Variants in ERBB4 observed in about 807,000 individuals in gnomAD.
ERBB4 encodes erb-b2 receptor tyrosine kinase 4.
A neutral mutation model predicts 158.0 loss-of-function variants in ERBB4; 42 were observed. That is an observed-to-expected ratio of 0.27 (90% CI 0.21 to 0.34). The LOEUF is 0.34. Among genes scored for constraint, ERBB4 ranks in the 10% least tolerant of loss-of-function variants. ERBB4 has a pLI of 1.00. For synonymous variants in ERBB4, 583 were observed against 558.7 expected, an observed-to-expected ratio of 1.04 and a Z score of -0.61; for missense variants, 1,333 against 1,624.1, an observed-to-expected ratio of 0.82 and a Z score of 3.08.
intron 1 of ERBB4, among the ~76,000 whole-genome samples, chr2:212,280,033 T>C (rs1182503674): frequency 6.6e-6 from 1 of 151,626 alleles, no homozygotes; most frequent in Admixed American, 6.6e-5. Context: ...AATTGCAATG[T>C]AAAGAAATTT....
chr2:212,056,529 A>G (rs1414145622), intron 2 of ERBB4, among the ~76,000 whole-genome samples: 1 of 152,222 alleles, frequency 6.6e-6, no homozygotes, highest in Non-Finnish European at 1.5e-5. Flanking sequence ...AGCCAGAGAG[A>G]AAGGTCGGGT....
chr2:211,402,635 T>A lies in ERBB4; in HGVS notation c.3136-14643A>T, dbSNP rs541253205. On this transcript the variant is annotated intron_variant, in intron 25 of 27. Coordinates refer to ENST00000342788, the MANE Select transcript of ERBB4 (RefSeq NM_005235.3). ...TTCATATTCTCCTGCTTGGAAATTC[T>A]GGTCAAGAGAAGAGAGCAAAAACAA... 9.9e-5 allele frequency among the ~76,000 whole-genome samples: 15 copies of A among 152,088 alleles called. No homozygotes were observed. In the South Asian group the frequency reaches 3.1e-3, roughly 32 times the overall value.
At chr2:211,692,535 T>G (rs1344405296) in intron 12 of ERBB4, among the ~76,000 whole-genome samples, 1 of 152,156 alleles carries the variant, frequency 6.6e-6, no homozygotes, top group East Asian at 1.9e-4. Context: ...CAAGGCTGAT[T>G]GCTTCTGAAG....
chr2:211,505,570 GCAAACAAA>G (rs71047179), intron 20 of ERBB4, among the ~76,000 whole-genome samples: 21,235 of 151,116 alleles, frequency 0.14, 1,959 homozygotes, highest in East Asian at 0.39. Flanking sequence ...AAGGCAACTA[GCAAACAAA>G]CAAACAAACA....
At chr2:212,528,055 A>G (rs1343211396) in intron 1 of ERBB4, among the ~76,000 whole-genome samples, 2 of 152,034 alleles carry the variant, frequency 1.3e-5, no homozygotes, top group African/African-American at 4.8e-5. Context: ...TTAAATGGCA[A>G]AGAAAGAAAT....
At position 212,247,902 on chromosome 2, in the gene ERBB4, C is replaced by T. The variant is rs142785504; in HGVS notation, c.83-122999G>A. On this transcript the variant is annotated intron_variant, in intron 1 of 27. Coordinates refer to ENST00000342788, the MANE Select transcript of ERBB4 (RefSeq NM_005235.3). Reference sequence around the variant, plus strand: ...TCACTTGAACCTGGGAAGCAGAGGCCGCAGTGAGCCGAGATCACACCACTG... The same window carrying T: ...TCACTTGAACCTGGGAAGCAGAGGCTGCAGTGAGCCGAGATCACACCACTG... Among the ~76,000 whole-genome samples, 657 of 151,400 alleles carry T rather than the reference C, an allele frequency of 4.3e-3. 4 individuals carry two copies. The highest frequency in any genetic ancestry group is 0.014 in the African/African-American group (594 of 41,212).
At chr2:212,182,190 C>T (rs1006385577) in intron 1 of ERBB4, among the ~76,000 whole-genome samples, 5 of 151,722 alleles carry the variant, frequency 3.3e-5, no homozygotes, top group African/African-American at 7.3e-5. Context: ...CAAATACTAA[C>T]ACTATGAAGT....
chr2:211,530,957 A>T (rs1015504045), intron 20 of ERBB4, among the ~76,000 whole-genome samples: 1 of 152,118 alleles, frequency 6.6e-6, no homozygotes, highest in African/African-American at 2.4e-5. Flanking sequence ...TACTCACATA[A>T]AAACAAACAT....
chr2:211,913,797 T>C (rs2079608556), intron 3 of ERBB4, among the ~76,000 whole-genome samples: 2 of 151,916 alleles, frequency 1.3e-5, no homozygotes, highest in East Asian at 1.9e-4. Context: ...CTATTGACTA[T>C]GAGTGTATCA....
At chr2:211,515,912 A>ATATATATATATCTATATTTTTTT (rs35696520) in intron 20 of ERBB4, among the ~76,000 whole-genome samples, 1 of 78,976 alleles carries the variant, frequency 1.3e-5, no homozygotes, top group Non-Finnish European at 2.4e-5. Flanking sequence ...ATATATATAT[A>ATATATATATATCTATATTTTTTT]TTTTTTTTTT....
chr2:212,150,842 T>C (rs941873482), intron 1 of ERBB4, among the ~76,000 whole-genome samples: 6 of 152,132 alleles, frequency 3.9e-5, no homozygotes, highest in African/African-American at 1.4e-4. Flanking sequence ...TCAATGTAAG[T>C]TTCATTTGAT....
chr2:211,700,030 T>G (rs1159637700), intron 12 of ERBB4, among the ~76,000 whole-genome samples: 1 of 152,028 alleles, frequency 6.6e-6, no homozygotes, highest in Non-Finnish European at 1.5e-5. Flanking sequence ...AGAGGAAGAA[T>G]TTTTTTTCTG....
chr2:211,981,925 A>T (rs1284763062), intron 2 of ERBB4, among the ~76,000 whole-genome samples: 1 of 152,162 alleles, frequency 6.6e-6, no homozygotes. Context: ...GCTCAGTGAG[A>T]AATGCACCAA....
In ERBB4 at chr2:211,388,827, ACTAATT is replaced by A. The variant is rs902474855; in HGVS notation, c.3136-841_3136-836del. Among the ~76,000 whole-genome samples, 9 of 152,172 alleles carry A rather than the reference ACTAATT, an allele frequency of 5.9e-5. 1 individual carries two copies. Among genetic ancestry groups the A allele is most frequent in the Non-Finnish European group, 1.0e-4 (7 of 68,024 alleles). Reference sequence around the variant, plus strand: ...GGGTAAGGAAAAGGAGTTGTATAATACTAATTCTGTTTCTTAATACAAAAATACATT... The same window carrying A: ...GGGTAAGGAAAAGGAGTTGTATAATACTGTTTCTTAATACAAAAATACATT... On this transcript the variant is annotated intron_variant, in intron 25 of 27. Transcript: ENST00000342788.
chr2:212,182,461 C>T lies in ERBB4; in HGVS notation c.83-57558G>A, dbSNP rs77868325. Among the ~76,000 whole-genome samples, 280 of 151,822 alleles carry T rather than the reference C, an allele frequency of 1.8e-3. 10 individuals carry two copies. The East Asian group carries it at 0.05, about 27-fold the overall frequency. ...GTACCCACACCTTTTTGAGCTTGTC[C>T]TAGTATTTTTAGAGTAAACTTCCTA... On this transcript the variant is annotated intron_variant, in intron 1 of 27. Transcript: ENST00000342788.
intron 16 of ERBB4, among the ~76,000 whole-genome samples, chr2:211,631,123 C>T (rs2070108405): frequency 1.3e-5 from 2 of 152,070 alleles, no homozygotes; most frequent in African/African-American, 2.4e-5. Flanking sequence ...TTCCTGGCTT[C>T]CATCCCTGAG....
chr2:212,412,107 T>C (rs2091516775), intron 1 of ERBB4, among the ~76,000 whole-genome samples: 1 of 152,256 alleles, frequency 6.6e-6, no homozygotes, highest in Non-Finnish European at 1.5e-5. Flanking sequence ...GAAAGAATCA[T>C]GCCCACACCC....
At chr2:211,623,421 C>T (rs1040439065) in intron 18 of ERBB4, among the ~76,000 whole-genome samples, 14 of 151,954 alleles carry the variant, frequency 9.2e-5, no homozygotes, top group African/African-American at 1.5e-4. Flanking sequence ...GATTTAGAAG[C>T]TAGTTCCAAC....
chr2:211,604,868 T>C (rs1158756084), intron 19 of ERBB4, among the ~76,000 whole-genome samples: 1 of 152,222 alleles, frequency 6.6e-6, no homozygotes, highest in Non-Finnish European at 1.5e-5. Context: ...TTGGCATATA[T>C]ATAACCCTTT....
Sources: allele counts gnomAD v4.1 joint callset (sites outside exome capture counted in the v4.1 genomes callset), GRCh38; gene constraint gnomAD v4.1.1; transcripts MANE v1.5; gene names NCBI Gene and HGNC (gene_info 2026-07-23, HGNC 2026-07-21).